The following SYNE1 variants were observed in gnomAD, a reference collection of about 807,000 sequenced individuals.
SYNE1 encodes the protein nesprin-1.
In SYNE1, 616 loss-of-function variants were observed where a neutral mutation model predicts 1,111.0. The ratio of observed to expected loss-of-function variants is 0.55; its 90% CI spans 0.52 to 0.59. The LOEUF is 0.59. Ranked by LOEUF, SYNE1 falls within the 20% of genes least tolerant of loss-of-function variation. SYNE1 has a pLI of 0.00. For synonymous variants in SYNE1, 3,855 were observed against 3,825.8 expected (o/e 1.01, Z -0.28); for missense variants, 10,006 against 10,417.0 (o/e 0.96, Z 1.72).
At chr6:152,396,713 C>A in intron 50 of SYNE1, 62 bp downstream of exon 50, 5 of 1,448,388 alleles carry the variant, frequency 3.5e-6, no homozygotes, top group Non-Finnish European at 4.9e-6. Flanking sequence ...TGACTCTTTT[C>A]TCTAAGCCTT....
chr6:152,148,864 C>T lies in SYNE1; in HGVS notation c.24643-486G>A, dbSNP rs1213963549. On this transcript the variant is annotated intron_variant, in intron 136 of 145. Coordinates refer to ENST00000367255, the MANE Select transcript of SYNE1 (RefSeq NM_182961.4). This position sits in a 1 kb window ranked among gnomAD's most constrained non-coding sequence, Gnocchi z 4.1. ...ACAACACCTACACACTGGCAAGGAT[C>T]GGAAATAAGAGCAAATTACTAAGAC... Among the ~76,000 whole-genome samples, 7 of 152,062 alleles carry T rather than the reference C, an allele frequency of 4.6e-5. No individual in the cohort carries two copies. The highest frequency in any genetic ancestry group is 2.1e-4 in the South Asian group (1 of 4,822).
chr6:152,325,266 T>A lies in SYNE1; in HGVS notation c.15475A>T (p.Ile5159Phe). ...VSVVNSFHEK[I>F]VALEEKASQL... ...GAAGCTTTTTCCTCAAGGGCCACAATTTTCTCATGGAAAGAGTTAACCACT... is the reference window on the plus strand; with the variant it reads ...GAAGCTTTTTCCTCAAGGGCCACAAATTTCTCATGGAAAGAGTTAACCACT... Residue 5159 changes from isoleucine to phenylalanine, a missense_variant, in exon 81 of 146, where the codon ATT becomes TTT. Ile to Phe is a conservative substitution (Grantham distance 21, BLOSUM62 0). Transcript: ENST00000367255. The A allele has an allele frequency of 6.2e-7, 1 of 1,614,074 alleles. No individual in the cohort carries two copies. Among genetic ancestry groups the A allele is most frequent in the Non-Finnish European group, 8.5e-7 (1 of 1,180,014 alleles).
intron 45 of SYNE1, among the ~76,000 whole-genome samples, chr6:152,405,929 T>C (rs1178704249): frequency 6.6e-6 from 1 of 152,144 alleles, no homozygotes; most frequent in Non-Finnish European, 1.5e-5. Context: ...CTCCTTACTC[T>C]ATTTCTCTTT....
At chr6:152,289,903 G>A (rs917133422) in intron 95 of SYNE1, among the ~76,000 whole-genome samples, 3 of 150,160 alleles carry the variant, frequency 2.0e-5, no homozygotes, top group Non-Finnish European at 4.4e-5. Flanking sequence ...TGGGATTACA[G>A]GCATGAGCTA....
Position 152,376,365 on chromosome 6 carries a change from T to C in SYNE1, c.9324+16A>G. The C allele has an allele frequency of 3.1e-6, 5 of 1,613,580 alleles. No homozygotes were observed. Among genetic ancestry groups the C allele is most frequent in the Non-Finnish European group, 4.2e-6 (5 of 1,179,570 alleles). Reference sequence around the variant, plus strand: ...ACATCAGCACTGCTACTAGAATTAATTGATAACACCCTTACCTGTATTTTC... The same window carrying C: ...ACATCAGCACTGCTACTAGAATTAACTGATAACACCCTTACCTGTATTTTC... On this transcript the variant is annotated intron_variant, in intron 58 of 145. Transcript: ENST00000367255.
At chr6:152,504,915 C>T (rs1316868078) in intron 9 of SYNE1, among the ~76,000 whole-genome samples, 1 of 152,156 alleles carries the variant, frequency 6.6e-6, no homozygotes, top group Non-Finnish European at 1.5e-5. Flanking sequence ...CTCATACACA[C>T]ACTTCTAAAA....
Position 152,574,425 on chromosome 6 carries a change from C to T in SYNE1, c.68-34404G>A, listed in dbSNP as rs147620799. On this transcript the variant is annotated intron_variant, in intron 3 of 145. Transcript: ENST00000367255. ...CCTCTTTGCTCTTGTTCTTGCCTTT[C>T]CTTTCTGCACCTGACAGTTAATTGC... Among the ~76,000 whole-genome samples, 53 of 152,142 alleles carry T rather than the reference C, an allele frequency of 3.5e-4. 1 individual carries two copies. In the East Asian group the frequency reaches 9.3e-3, roughly 27 times the overall value.
intron 3 of SYNE1, among the ~76,000 whole-genome samples, chr6:152,595,404 A>G (rs2099578143): frequency 6.6e-6 from 1 of 152,112 alleles, no homozygotes; most frequent in Admixed American, 6.5e-5. Flanking sequence ...TATGTTTGTT[A>G]TTTACTCAGC....
intron 108 of SYNE1, among the ~76,000 whole-genome samples, chr6:152,238,290 T>G (rs879752645): frequency 6.6e-6 from 1 of 152,122 alleles, no homozygotes; most frequent in Non-Finnish European, 1.5e-5. Context: ...ATCTCTGACT[T>G]TGCCACCAAT....
intron 104 of SYNE1, among the ~76,000 whole-genome samples, chr6:152,252,272 CAATAAATAAATTA>C (rs1312604587): frequency 6.6e-6 from 1 of 151,140 alleles, no homozygotes; most frequent in African/African-American, 2.4e-5. Flanking sequence ...AACTCTGTCT[CAATAAATAAATTA>C]AATAAATAAA....
At chr6:152,189,018 T>TATATATAA (rs1401917127) in intron 128 of SYNE1, among the ~76,000 whole-genome samples, 1 of 98,290 alleles carries the variant, frequency 1.0e-5, no homozygotes, top group Non-Finnish European at 2.0e-5. Context: ...TATATATATA[T>TATATATAA]AAAATGCCAG....
intron 61 of SYNE1, chr6:152,368,629 C>CA (rs1179031157): frequency 3.7e-5 from 9 of 242,748 alleles, no homozygotes; most frequent in South Asian, 1.3e-4. Flanking sequence ...TTATTTAGAA[C>CA]AAAAAAAATC....
chr6:152,296,207 T>C (rs1278330606), intron 93 of SYNE1, among the ~76,000 whole-genome samples: 1 of 152,190 alleles, frequency 6.6e-6, no homozygotes, highest in Non-Finnish European at 1.5e-5. Flanking sequence ...TAGCATTCAA[T>C]AGCACTGACA....
At chr6:152,589,601 T>A (rs2099552114) in intron 3 of SYNE1, among the ~76,000 whole-genome samples, 2 of 152,142 alleles carry the variant, frequency 1.3e-5, no homozygotes, top group South Asian at 4.1e-4. Context: ...CATCCATCAA[T>A]TCATATCACC....
rs753105147 is a variant in SYNE1 at position 152,300,794 on chromosome 6, A to G, written c.17542-13T>C. The G allele has an allele frequency of 2.5e-6, 4 of 1,614,106 alleles. No homozygotes were observed. On this transcript the variant is annotated splice_polypyrimidine_tract_variant and intron_variant, in intron 92 of 145. Transcript: ENST00000367255. ...GACCTGCAGTCATCTGCCACGTAAA[A>G]TGTAGCCCAAAGGACATGAAAATCA...
At chr6:152,415,677 C>T (rs761408) in intron 41 of SYNE1, among the ~76,000 whole-genome samples, 36,123 of 149,446 alleles carry the variant, frequency 0.24, 4,807 homozygotes, top group East Asian at 0.38. Flanking sequence ...TGTTTAAAAA[C>T]AGATAATAAG....
chr6:152,471,531 G>A, intron 16 of SYNE1, 66 bp downstream of exon 16: 1 of 1,485,378 alleles, frequency 6.7e-7, no homozygotes. Flanking sequence ...CAACATCAAA[G>A]AAACTGAACT....
At chr6:152,517,874 A>G (rs1410550512) in intron 6 of SYNE1, among the ~76,000 whole-genome samples, 1 of 152,166 alleles carries the variant, frequency 6.6e-6, no homozygotes, top group Non-Finnish European at 1.5e-5. Context: ...GCAGGGAATG[A>G]GAATGGAGTA....
In SYNE1 at chr6:152,234,659, T is replaced by C. The variant is rs755118934; in HGVS notation, c.20529+9A>G. 1.9e-6 allele frequency: 3 copies of C among 1,614,186 alleles called. No individual in the cohort carries two copies. Among genetic ancestry groups the C allele is most frequent in the Middle Eastern group, 1.7e-4 (1 of 6,060 alleles). On this transcript the variant is annotated intron_variant, in intron 111 of 145. Coordinates refer to ENST00000367255, the MANE Select transcript of SYNE1 (RefSeq NM_182961.4). Reference sequence around the variant, plus strand: ...GCCTGAATCAAATGCTTTAGATTCTTAGACTTACCAGGAAAGCATTTAGAT... The same window carrying C: ...GCCTGAATCAAATGCTTTAGATTCTCAGACTTACCAGGAAAGCATTTAGAT...
Sources: allele counts gnomAD v4.1 joint callset (sites outside exome capture counted in the v4.1 genomes callset), GRCh38; gene constraint gnomAD v4.1.1; non-coding constraint Gnocchi (gnomAD v3.1); transcripts MANE v1.5; gene names NCBI Gene and HGNC (gene_info 2026-07-23, HGNC 2026-07-21).